GNAO1: variants seen among roughly 807,000 people sequenced by gnomAD.
The protein encoded by GNAO1 is guanine nucleotide-binding protein G(o) subunit alpha.
For synonymous variants in GNAO1, 164 were observed against 180.7 expected, an observed-to-expected ratio of 0.91 and a Z score of 0.74; for missense variants, 166 against 478.7, an observed-to-expected ratio of 0.35 and a Z score of 6.10.
At chr16:56,286,562 C>T (rs1464337515) in intron 3 of GNAO1, among the ~76,000 whole-genome samples, 1 of 152,158 alleles carries the variant, frequency 6.6e-6, no homozygotes, top group Non-Finnish European at 1.5e-5. Context: ...AGGAAAATGG[C>T]TCCAGCAGCT....
chr16:56,276,487 T>C (rs1342203518), intron 3 of GNAO1: 1 of 155,518 alleles, frequency 6.4e-6, no homozygotes, highest in Non-Finnish European at 1.4e-5. Flanking sequence ...GGAGTGAGGA[T>C]AGCCATTTGA....
At chr16:56,214,252 C>G (rs377083189) in intron 2 of GNAO1, among the ~76,000 whole-genome samples, 2 of 152,142 alleles carry the variant, frequency 1.3e-5, no homozygotes, top group East Asian at 3.9e-4. Flanking sequence ...TCTGCTCTCC[C>G]ATATCAGCAT....
At chr16:56,318,736 A>T (rs545139710) in intron 3 of GNAO1, among the ~76,000 whole-genome samples, 1 of 152,372 alleles carries the variant, frequency 6.6e-6, no homozygotes, top group South Asian at 2.1e-4. Context: ...CAAGATTATC[A>T]TGCTTGCCTA....
chr16:56,276,496 G>T (rs1376697830), intron 3 of GNAO1: 1 of 154,538 alleles, frequency 6.5e-6, no homozygotes, highest in African/African-American at 2.4e-5. Context: ...ATAGCCATTT[G>T]AATTGACTGC....
intron 3 of GNAO1, among the ~76,000 whole-genome samples, chr16:56,298,836 A>G (rs750731684): frequency 2.0e-5 from 3 of 151,262 alleles, no homozygotes; most frequent in Non-Finnish European, 2.9e-5. Context: ...AATGGTGTGA[A>G]CCCGGTAGGC....
At chr16:56,340,557 C>A (rs1236265935) in intron 6 of GNAO1, 6 of 330,662 alleles carry the variant, frequency 1.8e-5, no homozygotes, top group African/African-American at 1.2e-4. Context: ...GACCTCACTG[C>A]CCCCACCTGG....
chr16:56,214,385 A>G (rs2036420272), intron 2 of GNAO1, among the ~76,000 whole-genome samples: 1 of 152,130 alleles, frequency 6.6e-6, no homozygotes, highest in African/African-American at 2.4e-5. Context: ...CCTGGGGTCT[A>G]GGGGCAGACA....
chr16:56,197,507 C>T (rs983418966), intron 2 of GNAO1, among the ~76,000 whole-genome samples: 18 of 152,298 alleles, frequency 1.2e-4, no homozygotes, highest in African/African-American at 3.8e-4. Context: ...AATAGTCCAC[C>T]CGATCTCCTC....
chr16:56,202,479 G>A (rs1388790444), intron 2 of GNAO1, among the ~76,000 whole-genome samples: 1 of 152,212 alleles, frequency 6.6e-6, no homozygotes, highest in African/African-American at 2.4e-5. Flanking sequence ...TTCTACATGG[G>A]AGTAGCTGGA....
chr16:56,240,751 C>T (rs1044873852), intron 2 of GNAO1, among the ~76,000 whole-genome samples: 1 of 152,084 alleles, frequency 6.6e-6, no homozygotes, highest in Non-Finnish European at 1.5e-5. Flanking sequence ...CATAGCTGGG[C>T]ACTTAGGGTG....
intron 2 of GNAO1, among the ~76,000 whole-genome samples, chr16:56,211,144 G>A (rs2036382949): frequency 6.6e-6 from 1 of 152,192 alleles, no homozygotes; most frequent in East Asian, 1.9e-4. Context: ...GGGAAAGCCA[G>A]GTGGGGAGTA....
intron 2 of GNAO1, chr16:56,194,097 G>A: frequency 2.2e-6 from 1 of 456,632 alleles, no homozygotes; most frequent in Non-Finnish European, 4.4e-6. Flanking sequence ...CGCCATGATG[G>A]TAGGGAGTAG....
chr16:56,281,531 C>T (rs1456964070), intron 3 of GNAO1, among the ~76,000 whole-genome samples: 2 of 152,066 alleles, frequency 1.3e-5, no homozygotes, highest in Non-Finnish European at 2.9e-5. Context: ...TCTATCTCTC[C>T]CTTTCCCGCC....
intron 2 of GNAO1, among the ~76,000 whole-genome samples, chr16:56,274,755 G>A (rs1302991215): frequency 6.6e-6 from 1 of 151,894 alleles, no homozygotes; most frequent in Admixed American, 6.5e-5. Context: ...GTTGCTTAGG[G>A]TAGGGGCAGG....
intron 4 of GNAO1, among the ~76,000 whole-genome samples, chr16:56,332,754 AG>A (rs1336999548): frequency 6.6e-6 from 1 of 152,268 alleles, no homozygotes; most frequent in Non-Finnish European, 1.5e-5. Flanking sequence ...GAGAGGCCAG[AG>A]GGCCAGGTTG....
intron 3 of GNAO1, among the ~76,000 whole-genome samples, chr16:56,278,169 G>C (rs1399336649): frequency 6.6e-6 from 1 of 152,178 alleles, no homozygotes; most frequent in African/African-American, 2.4e-5. Context: ...GGAGGGGAAG[G>C]CTCCAATGGA....
chr16:56,330,505 G>T (rs1759497713), intron 4 of GNAO1, among the ~76,000 whole-genome samples: 1 of 152,154 alleles, frequency 6.6e-6, no homozygotes, highest in South Asian at 2.1e-4. Flanking sequence ...AAATGCAGAG[G>T]GATGTAAAAT....
chr16:56,204,440 G>C (rs1358918600), intron 2 of GNAO1, among the ~76,000 whole-genome samples: 1 of 152,128 alleles, frequency 6.6e-6, no homozygotes, highest in Non-Finnish European at 1.5e-5. Flanking sequence ...GAGAGGGAGG[G>C]CCCAGGGAAG....
At chr16:56,333,435 A>C (rs865834552) in intron 4 of GNAO1, among the ~76,000 whole-genome samples, 3 of 151,872 alleles carry the variant, frequency 2.0e-5, no homozygotes, top group Admixed American at 6.6e-5. Context: ...TGGTCTCAAA[A>C]TCCTGACCTC....
Sources: gnomAD v4.1 joint callset for allele counts (sites outside exome capture counted in the v4.1 genomes callset) on GRCh38, gnomAD v4.1.1 for gene constraint, MANE v1.5 for transcripts, NCBI Gene and HGNC (gene_info 2026-07-23, HGNC 2026-07-21) for gene names.